Variants in COCH observed in about 807,000 individuals in gnomAD.
The protein encoded by COCH is cochlin.
Under a neutral mutation model 54.8 loss-of-function variants are expected in COCH, and 40 were observed. The observed-to-expected ratio is 0.73, with a 90% CI of 0.57 to 0.95. The LOEUF is 0.95. COCH is among the 40% of genes least tolerant of loss of function. The pLI is 0.00. For missense variants in COCH, 605 were observed against 675.0 expected, an observed-to-expected ratio of 0.90 and a Z score of 1.15; for synonymous variants, 256 against 237.9, an observed-to-expected ratio of 1.08 and a Z score of -0.70.
downstream of COCH, chr14:30,894,942 A>T: frequency 9.1e-7 from 1 of 1,095,422 alleles, no homozygotes; most frequent in Non-Finnish European, 1.2e-6. Context: ...AATCTGTGGC[A>T]TTCAACCGAT....
chr14:30,894,755 TA>T, downstream of COCH: 1 of 210,924 alleles, frequency 4.7e-6, no homozygotes, highest in Non-Finnish European at 9.4e-6. Flanking sequence ...TAGGGTTGTA[TA>T]ATGCAGAAAA....
chr14:30,889,395 G>A (rs1442838662), intron 11 of COCH: 3 of 538,990 alleles, frequency 5.6e-6, no homozygotes, highest in African/African-American at 3.8e-5. Flanking sequence ...TGTTAATGTG[G>A]CGAATTACAG....
At chr14:30,883,613 C>T (rs1340702031) in intron 8 of COCH, among the ~76,000 whole-genome samples, 1 of 152,136 alleles carries the variant, frequency 6.6e-6, no homozygotes, top group East Asian at 1.9e-4. Flanking sequence ...AGTCAGTGTT[C>T]TACTTCTCCC....
At chr14:30,889,452 A>G in intron 11 of COCH, 164 bp from the exon 12 acceptor site, 4 of 653,244 alleles carry the variant, frequency 6.1e-6, no homozygotes. Flanking sequence ...CACTCTCGTC[A>G]CAATGACTGT....
chr14:30,878,513 C>T (rs2138842086), intron 4 of COCH, among the ~76,000 whole-genome samples: 1 of 152,056 alleles, frequency 6.6e-6, no homozygotes, highest in Middle Eastern at 3.4e-3. Flanking sequence ...AAAAATTAGC[C>T]AGGTATGGTG....
intron 6 of COCH, among the ~76,000 whole-genome samples, 194 bp downstream of exon 6, chr14:30,879,679 T>C (rs1288710553): frequency 1.3e-5 from 2 of 152,200 alleles, no homozygotes; most frequent in African/African-American, 4.8e-5. Flanking sequence ...GGTCTCACTC[T>C]GTTGCTCAGG....
At chr14:30,884,874 T>C (rs780610639) in intron 9 of COCH, 18 of 1,553,760 alleles carry the variant, frequency 1.2e-5, no homozygotes, top group African/African-American at 2.7e-5. Context: ...ATATAAAGCA[T>C]GGTGATTTAG....
Position 30,886,183 on chromosome 14 carries a change from AT to A in COCH, c.1351del (p.Ser451ProfsTer11). On this transcript the variant is annotated frameshift_variant, in exon 11 of 12. Transcript: ENST00000396618. LOFTEE classifies it high-confidence loss of function. ...TGGTGGAACAGCTACTGGTGATGCC[AT>A]TTCCTTCACTGTTAGAAATGTGTTT... is the stretch of plus-strand genomic sequence containing the variant. The part of the protein sequence containing the change: ...MSGGTATGDA[I>X]SFTVRNVFGP... The A allele has an allele frequency of 6.2e-7, 1 of 1,610,614 alleles. No individual in the cohort carries two copies. The highest frequency in any genetic ancestry group is 8.5e-7 in the Non-Finnish European group (1 of 1,177,398).
At position 30,885,501 on chromosome 14, in the gene COCH, G is replaced by A. The variant is rs28362775; in HGVS notation, c.841G>A (p.Asp281Asn). Residue 281 changes from aspartate (D) to asparagine (N), a missense_variant, in exon 10 of 12, where the codon GAC becomes AAC. Physicochemically the swap from Asp to Asn is conservative, Grantham distance 23 (BLOSUM62 1). Coordinates refer to ENST00000396618, the MANE Select transcript of COCH (RefSeq NM_004086.3). ...ATTTATTGATGGTTGGCCTTCTGAT[G>A]ACATCGAGGAAGCAGGCATTGTGGC... ...VVFIDGWPSD[D>N]IEEAGIVARE... is the part of the protein sequence containing the mutation. 469 of 1,613,664 alleles carry A rather than the reference G, an allele frequency of 2.9e-4. No individual in the cohort carries two copies. The African/African-American group carries it at 5.9e-3, about 20-fold the overall frequency.
At chr14:30,894,636 T>C, downstream of COCH, 1 of 156,968 alleles carries the variant, frequency 6.4e-6, no homozygotes, top group South Asian at 1.9e-4. Flanking sequence ...ATTTATGTGA[T>C]GATGAAAGTT....
At position 30,874,824 on chromosome 14, in the gene COCH, C is replaced by T. The variant is rs946387361; in HGVS notation, c.-23-92C>T. ...TCTGTGTCCTCTCTCCTCTGCGCCGCGCCCGGGGATCCGAAGGGTGCGGGG... is the reference window on the plus strand; with the variant it reads ...TCTGTGTCCTCTCTCCTCTGCGCCGTGCCCGGGGATCCGAAGGGTGCGGGG... On this transcript the variant is annotated intron_variant, in intron 1 of 11. Coordinates refer to ENST00000396618, the MANE Select transcript of COCH (RefSeq NM_004086.3). 15 of 1,254,360 alleles carry T rather than the reference C, an allele frequency of 1.2e-5. No individual in the cohort carries two copies. The East Asian group carries it at 3.0e-4, about 25-fold the overall frequency. The allele number at this position is 1,254,360 out of a possible 1,614,324, so 77.7% of individuals were successfully genotyped here.
chr14:30,874,846 G>C, intron 1 of COCH, 70 bp from the exon 2 acceptor site: 1 of 1,434,376 alleles, frequency 7.0e-7, no homozygotes, highest in Non-Finnish European at 9.8e-7. Flanking sequence ...CGAAGGGTGC[G>C]GGGCTCTGAG....
intron 11 of COCH, among the ~76,000 whole-genome samples, chr14:30,886,986 T>G (rs1895812562): frequency 2.0e-5 from 3 of 152,220 alleles, no homozygotes; most frequent in South Asian, 4.1e-4. Flanking sequence ...CCTCCCAAAG[T>G]GCTGGGATTA....
downstream of COCH, among the ~76,000 whole-genome samples, chr14:30,893,492 C>G (rs1896046393): frequency 1.3e-5 from 2 of 152,140 alleles, no homozygotes; most frequent in Non-Finnish European, 2.9e-5. Flanking sequence ...CCTAAATATT[C>G]AATGTAGTTT....
intron 11 of COCH, among the ~76,000 whole-genome samples, chr14:30,888,131 AT>A (rs67814031): frequency 0.2 from 29,064 of 148,314 alleles, 3,065 homozygotes; most frequent in Middle Eastern, 0.29. Flanking sequence ...TGGTGTGATT[AT>A]TTTTTTTTTT....
Position 30,886,124 on chromosome 14 carries a change from T to C in COCH, c.1289T>C (p.Val430Ala), listed in dbSNP as rs1293444207. 2 of 1,613,054 alleles carry C rather than the reference T, an allele frequency of 1.2e-6. No homozygotes were observed. The highest frequency in any genetic ancestry group is 1.7e-6 in the Non-Finnish European group (2 of 1,179,122). The change falls in exon 11 of 12, where the codon GTC becomes GCC. Residue 430 changes from valine (V) to alanine (A), a missense_variant. Coordinates refer to ENST00000396618, the MANE Select transcript of COCH (RefSeq NM_004086.3). ...SFTDYSTKEN[V>A]LAVIRNIRYM... is the part of the protein sequence containing the mutation. ...ACTGACTATAGCACCAAAGAGAATGTCCTAGCTGTCATCAGAAACATCCGC... is the reference window on the plus strand; with the variant it reads ...ACTGACTATAGCACCAAAGAGAATGCCCTAGCTGTCATCAGAAACATCCGC...
downstream of COCH, among the ~76,000 whole-genome samples, chr14:30,893,353 C>CGT: frequency 6.6e-6 from 1 of 151,814 alleles, no homozygotes; most frequent in Middle Eastern, 3.4e-3. Flanking sequence ...GGGGTTTCAT[C>CGT]GTGTTAGCCA....
intron 9 of COCH, chr14:30,885,175 T>A: frequency 2.5e-6 from 3 of 1,180,080 alleles, no homozygotes; most frequent in Non-Finnish European, 3.6e-6. Flanking sequence ...GGAACTAATA[T>A]GGCTTGTGAA....
Position 30,877,100 on chromosome 14 carries a change from C to G in COCH, c.83-472C>G, listed in dbSNP as rs145701357. On this transcript the variant is annotated intron_variant, in intron 3 of 11. Coordinates refer to ENST00000396618, the MANE Select transcript of COCH (RefSeq NM_004086.3). The surrounding 1 kb of genome is among the most constrained non-coding windows in gnomAD (Gnocchi z 8.6). Reference sequence around the variant, plus strand: ...CTGGGATTATAGGCATGAGTCACCACGCCCAGCCAAGATTTTTTATATTTC... The same window carrying G: ...CTGGGATTATAGGCATGAGTCACCAGGCCCAGCCAAGATTTTTTATATTTC... 9.9e-5 allele frequency among the ~76,000 whole-genome samples: 15 copies of G among 152,014 alleles called. No individual in the cohort carries two copies. Among genetic ancestry groups the G allele is most frequent in the Non-Finnish European group, 5.9e-5 (4 of 68,018 alleles).
Sources: allele counts gnomAD v4.1 joint callset (sites outside exome capture counted in the v4.1 genomes callset), GRCh38; gene constraint gnomAD v4.1.1; non-coding constraint Gnocchi (gnomAD v3.1); transcripts MANE v1.5; gene names NCBI Gene and HGNC (gene_info 2026-07-23, HGNC 2026-07-21).